Variants in ADAMTS6 observed in about 807,000 individuals in gnomAD.
The protein encoded by ADAMTS6 is A disintegrin and metalloproteinase with thrombospondin motifs 6.
A neutral mutation model predicts 144.3 loss-of-function variants in ADAMTS6; 23 were observed. That is an observed-to-expected ratio of 0.16 (90% CI 0.11 to 0.23). ADAMTS6 has a LOEUF of 0.23. Ranked by LOEUF, ADAMTS6 falls within the 10% of genes least tolerant of loss-of-function variation. The probability of loss-of-function intolerance (pLI) is 1.00; values close to 1 mark genes in which losing one functional copy is unlikely to be tolerated. For synonymous variants in ADAMTS6, 444 were observed against 457.5 expected (o/e 0.97, Z 0.38); for missense variants, 999 against 1,379.6 (o/e 0.72, Z 4.37).
chr5:65,466,813 T>G (rs966265141), intron 3 of ADAMTS6, among the ~76,000 whole-genome samples: 1 of 151,952 alleles, frequency 6.6e-6, no homozygotes, highest in Non-Finnish European at 1.5e-5. Context: ...GAGGCCGAGG[T>G]GGGCGGATCA....
chr5:65,451,372 T>C (rs1758727387), intron 7 of ADAMTS6, 103 bp downstream of exon 7: 1 of 1,308,634 alleles, frequency 7.6e-7, no homozygotes. Flanking sequence ...CATTTTGCTT[T>C]CTCTATACTC....
intron 1 of ADAMTS6, among the ~76,000 whole-genome samples, chr5:65,477,361 T>C (rs1561580063): frequency 6.6e-6 from 1 of 152,226 alleles, no homozygotes; most frequent in African/African-American, 2.4e-5. Flanking sequence ...TTTGATTGAA[T>C]CATTCATCCC....
intron 13 of ADAMTS6, 78 bp downstream of exon 13, chr5:65,262,739 G>T: frequency 7.1e-7 from 1 of 1,411,984 alleles, no homozygotes; most frequent in Non-Finnish European, 9.2e-7. Context: ...CGTTTTTACA[G>T]ATAACATGTG....
rs1358933925 is a variant in ADAMTS6 at position 65,481,593 on chromosome 5, G to A, written c.-530C>T. On this transcript the variant is annotated 5_prime_UTR_variant, in exon 1 of 25. Coordinates refer to ENST00000381055, the MANE Select transcript of ADAMTS6 (RefSeq NM_197941.4). ...ATAAGAGATGCCTTCAATACATCTA[G>A]GCTATCACTCTGAGATGCTGCCTTT... is the stretch of plus-strand genomic sequence containing the variant. The A allele has an allele frequency of 6.6e-6, 1 of 151,802 alleles. No homozygotes were observed. The highest frequency in any genetic ancestry group is 1.5e-5 in the Non-Finnish European group (1 of 68,014). 9.4% of individuals were successfully genotyped at this position (151,802 alleles called of 1,614,324 possible). A position where few individuals can be genotyped will look rare whatever the true frequency, so the allele number is the denominator to read the frequency against.
At chr5:65,380,444 C>A (rs762026006) in intron 7 of ADAMTS6, among the ~76,000 whole-genome samples, 3 of 151,870 alleles carry the variant, frequency 2.0e-5, no homozygotes, top group Non-Finnish European at 4.4e-5. Flanking sequence ...GGTGTGGTGG[C>A]GAGCACCCAT....
chr5:65,254,111 C>T (rs141469949), intron 14 of ADAMTS6, among the ~76,000 whole-genome samples: 5,866 of 152,064 alleles, frequency 0.039, 409 homozygotes, highest in African/African-American at 0.13. Flanking sequence ...TCCCAAAGTG[C>T]TGGGATTACA....
intron 9 of ADAMTS6, among the ~76,000 whole-genome samples, chr5:65,318,192 C>T (rs892362223): frequency 6.6e-6 from 1 of 152,050 alleles, no homozygotes; most frequent in African/African-American, 2.4e-5. Context: ...TCATCTCACC[C>T]CAGTTAAAAT....
At position 65,176,179 on chromosome 5, in the gene ADAMTS6, G is replaced by A. The variant is rs188479022; in HGVS notation, c.2911-3171C>T. Among the ~76,000 whole-genome samples, 71 of 152,158 alleles carry A rather than the reference G, an allele frequency of 4.7e-4. No individual in the cohort carries two copies. The East Asian group carries it at 0.013, about 29-fold the overall frequency. The stretch of plus-strand genomic sequence containing the variant: ...GTGTTATATGGGAAGTTCTTGTCCT[G>A]AAATAAATTAACTGGTTATTTAAAG... On this transcript the variant is annotated intron_variant, in intron 22 of 24. Transcript: ENST00000381055.
chr5:65,356,441 C>T (rs563184525), intron 7 of ADAMTS6, among the ~76,000 whole-genome samples: 10 of 151,952 alleles, frequency 6.6e-5, no homozygotes, highest in Admixed American at 6.6e-5. Flanking sequence ...CAAATGACAA[C>T]TGCTATTCTT....
intron 7 of ADAMTS6, among the ~76,000 whole-genome samples, chr5:65,435,962 A>T (rs1255009979): frequency 6.6e-6 from 1 of 152,126 alleles, no homozygotes; most frequent in Non-Finnish European, 1.5e-5. Context: ...AATATTTTTT[A>T]AAATAAAATG....
At chr5:65,476,822 C>G (rs1230586225) in intron 1 of ADAMTS6, among the ~76,000 whole-genome samples, 3 of 152,062 alleles carry the variant, frequency 2.0e-5, no homozygotes, top group African/African-American at 4.8e-5. Context: ...ACCGTGTTAG[C>G]CAGGATGGTC....
At chr5:65,333,997 T>TAAAAAAAAAAAAAAAAAAAAAA in intron 8 of ADAMTS6, 45 bp downstream of exon 8, 38 of 841,036 alleles carry the variant, frequency 4.5e-5, no homozygotes, top group Middle Eastern at 4.1e-4. Flanking sequence ...CTACCTTTAT[T>TAAAAAAAAAAAAAAAAAAAAAA]AAAAAAAAAA....
At chr5:65,429,577 T>C (rs1311701399) in intron 7 of ADAMTS6, among the ~76,000 whole-genome samples, 1 of 152,118 alleles carries the variant, frequency 6.6e-6, no homozygotes, top group Non-Finnish European at 1.5e-5. Context: ...TGGTCTTTTG[T>C]TATTAGGGGT....
In ADAMTS6 at chr5:65,329,398, A is replaced by T. The variant is rs759430544; in HGVS notation, c.1203T>A (p.Ile401=). The T allele has an allele frequency of 1.2e-6, 2 of 1,612,438 alleles. No individual in the cohort carries two copies. The highest frequency in any genetic ancestry group is 4.5e-5 in the East Asian group (2 of 44,856). The change falls in exon 9 of 25, where the codon ATT becomes ATA. Residue 401 remains isoleucine (I), a synonymous_variant. Transcript: ENST00000381055. ...CTCACTTGTGACCAATCTCATGTGC[A>T]ATGGTAAAAGCTGAACCCAGGCCAA... ...EDIGLGSAFT[I]AHEIGHNFGM...
At chr5:65,368,380 G>C (rs535835718) in intron 7 of ADAMTS6, among the ~76,000 whole-genome samples, 2 of 152,142 alleles carry the variant, frequency 1.3e-5, no homozygotes, top group African/African-American at 4.8e-5. Context: ...ACCATTTGTT[G>C]CTTCAAAGTG....
At chr5:65,350,929 T>C (rs1480561787) in intron 7 of ADAMTS6, among the ~76,000 whole-genome samples, 11 of 152,192 alleles carry the variant, frequency 7.2e-5, no homozygotes, top group African/African-American at 1.9e-4. Flanking sequence ...ATTACAAGTG[T>C]GAGCCACTGA....
intron 18 of ADAMTS6, among the ~76,000 whole-genome samples, chr5:65,216,782 T>TACACACACACACACACACAC (rs10584577): frequency 2.7e-5 from 4 of 148,522 alleles, no homozygotes; most frequent in African/African-American, 9.9e-5. Flanking sequence ...TTACAAGAAA[T>TACACACACACACACACACAC]ACACACACAC....
At chr5:65,468,282 A>C (rs1422003253) in intron 3 of ADAMTS6, among the ~76,000 whole-genome samples, 1 of 152,146 alleles carries the variant, frequency 6.6e-6, no homozygotes, top group African/African-American at 2.4e-5. Flanking sequence ...AGAATTTATT[A>C]AAAGTGGTGG....
Position 65,452,687 on chromosome 5 carries a change from T to C in ADAMTS6, c.843+20A>G, listed in dbSNP as rs1758847726. The stretch of plus-strand genomic sequence containing the variant: ...ACAACAAATATGAAGTAAAATATTA[T>C]ATAGAGGGATCAAACTTACAATATT... On this transcript the variant is annotated intron_variant, in intron 5 of 24. Transcript: ENST00000381055. 3.1e-6 allele frequency: 5 copies of C among 1,612,766 alleles called. No individual in the cohort carries two copies. The East Asian group carries it at 6.7e-5, about 22-fold the overall frequency.
Sources: gnomAD v4.1 joint callset for allele counts (sites outside exome capture counted in the v4.1 genomes callset) on GRCh38, gnomAD v4.1.1 for gene constraint, MANE v1.5 for transcripts, NCBI Gene and HGNC (gene_info 2026-07-23, HGNC 2026-07-21) for gene names.